Variants in GPATCH8 observed in about 807,000 individuals in gnomAD.
GPATCH8 encodes the protein G patch domain-containing protein 8.
In GPATCH8, 18 loss-of-function variants were observed where a neutral mutation model predicts 118.3. That is an observed-to-expected ratio of 0.15 (90% confidence interval 0.11 to 0.23). GPATCH8 has a LOEUF of 0.23. GPATCH8 is among the 10% of genes least tolerant of loss of function. The probability of loss-of-function intolerance (pLI) is 1.00; values close to 1 mark genes in which losing one functional copy is unlikely to be tolerated. For synonymous variants in GPATCH8, 659 were observed against 684.7 expected, an observed-to-expected ratio of 0.96 and a Z score of 0.59; for missense variants, 1,631 against 1,873.8, an observed-to-expected ratio of 0.87 and a Z score of 2.39.
intron 2 of GPATCH8, chr17:44,464,951 A>ATACGGCGACCACCG: frequency 9.7e-5 from 17 of 175,870 alleles, no homozygotes; most frequent in South Asian, 7.6e-4. Context: ...TTTTTTAAAG[A>ATACGGCGACCACCG]AAATCTACAC....
In GPATCH8 at chr17:44,395,641, C is replaced by T. The variant is rs1307943441; in HGVS notation, c.*1927G>A. ...GTGATGCTTCTGAATCAGATGAGTA[C>T]TGAACAGGTAGGAGGGTGGGAGGGC... On this transcript the variant is annotated 3_prime_UTR_variant, in exon 8 of 8. Coordinates refer to ENST00000591680, the MANE Select transcript of GPATCH8 (RefSeq NM_001002909.4). 3 of 454,154 alleles carry T rather than the reference C, an allele frequency of 6.6e-6. No individual in the cohort carries two copies. The highest frequency in any genetic ancestry group is 3.1e-5 in the South Asian group (2 of 64,478). The allele number at this position is 454,154 out of a possible 1,614,324, so 28.1% of individuals were successfully genotyped here. A position where few individuals can be genotyped will look rare whatever the true frequency, so the allele number is the denominator to read the frequency against.
At chr17:44,407,858 T>C (rs917808661) in intron 6 of GPATCH8, among the ~76,000 whole-genome samples, 1 of 152,122 alleles carries the variant, frequency 6.6e-6, no homozygotes, top group Non-Finnish European at 1.5e-5. Context: ...GGTTTCACCA[T>C]GTTGGCCAGG....
chr17:44,490,452 C>T (rs932772200), intron 1 of GPATCH8, among the ~76,000 whole-genome samples: 9 of 151,926 alleles, frequency 5.9e-5, no homozygotes, highest in Admixed American at 3.9e-4. Flanking sequence ...TTAATGACTG[C>T]TTGTAGGTAT....
At chr17:44,463,870 A>C (rs2051657920) in intron 3 of GPATCH8, among the ~76,000 whole-genome samples, 1 of 152,206 alleles carries the variant, frequency 6.6e-6, no homozygotes, top group African/African-American at 2.4e-5. Context: ...AATGCAATGG[A>C]AACTTTAAGC....
chr17:44,421,324 A>G (rs2049893109), intron 6 of GPATCH8, among the ~76,000 whole-genome samples: 1 of 151,678 alleles, frequency 6.6e-6, no homozygotes. Context: ...CTGGGCAACA[A>G]GAGTGAAACT....
rs1405793549 is a variant in GPATCH8 at position 44,395,528 on chromosome 17, A to AT, written c.*2039dup. On this transcript the variant is annotated 3_prime_UTR_variant, in exon 8 of 8. Coordinates refer to ENST00000591680, the MANE Select transcript of GPATCH8 (RefSeq NM_001002909.4). ...AGCACGAAAATGTTAATACTGTATT[A>AT]TTTATTTACATGGGCTGAAAGCAAA... is the stretch of plus-strand genomic sequence containing the variant. 4.4e-6 allele frequency: 2 copies of AT among 454,350 alleles called. No homozygotes were observed. The highest frequency in any genetic ancestry group is 4.0e-5 in the African/African-American group (2 of 50,004). 28.1% of individuals were successfully genotyped at this position (454,350 alleles called of 1,614,324 possible). A position where few individuals can be genotyped will look rare whatever the true frequency, so the allele number is the denominator to read the frequency against.
intron 6 of GPATCH8, among the ~76,000 whole-genome samples, chr17:44,407,682 A>G (rs1231486761): frequency 1.4e-5 from 2 of 143,914 alleles, no homozygotes; most frequent in Non-Finnish European, 1.5e-5. Flanking sequence ...TTTGAGATGG[A>G]GTCTCACTCT....
chr17:44,414,129 GTATATATATATATGTGTA>G (rs1245932889), intron 6 of GPATCH8, among the ~76,000 whole-genome samples: 104 of 43,018 alleles, frequency 2.4e-3, no homozygotes, highest in Middle Eastern at 0.024. Flanking sequence ...ATATATATGT[GTATATATATATATGTGTA>G]TATATATATG....
chr17:44,426,837 C>T (rs1335280219), intron 5 of GPATCH8, among the ~76,000 whole-genome samples: 1 of 142,904 alleles, frequency 7.0e-6, no homozygotes. Context: ...TCTTCAACAA[C>T]ACACACACAC....
At chr17:44,438,954 AG>A (rs983452467) in intron 3 of GPATCH8, among the ~76,000 whole-genome samples, 2 of 152,176 alleles carry the variant, frequency 1.3e-5, no homozygotes, top group Non-Finnish European at 2.9e-5. Flanking sequence ...TCAATAAGGC[AG>A]GGGGTAGGGT....
At chr17:44,419,074 C>G (rs1448162017) in intron 6 of GPATCH8, among the ~76,000 whole-genome samples, 1 of 152,198 alleles carries the variant, frequency 6.6e-6, no homozygotes, top group Non-Finnish European at 1.5e-5. Flanking sequence ...AAAAACAACT[C>G]AAACCTTGAA....
At chr17:44,481,653 T>C (rs1326677620) in intron 1 of GPATCH8, among the ~76,000 whole-genome samples, 1 of 152,192 alleles carries the variant, frequency 6.6e-6, no homozygotes, top group African/African-American at 2.4e-5. Flanking sequence ...TACATGTAAA[T>C]GGGCGAATTT....
Position 44,398,355 on chromosome 17 carries a change from T to C in GPATCH8, c.3722A>G (p.His1241Arg), listed in dbSNP as rs1211266745. Residue 1241 changes from histidine (H) to arginine (R), a missense_variant, in exon 8 of 8, where the codon CAT (histidine) becomes CGT (arginine). Physicochemically the swap from His to Arg is conservative, Grantham distance 29. Around this residue, in one of 8 missense-constraint regions of GPATCH8, gnomAD observed 922 missense variants for 879.7 expected, o/e 1.05. Transcript: ENST00000591680. ...ATCACTGGGGTCGGGGAGGTAGTTA[T>C]GGGAGATGGTTGGGTCCCCAGGGTA... ...DCYPGDPTIS[H>R]NYLPDPSDGD... 4 of 1,614,046 alleles carry C rather than the reference T, an allele frequency of 2.5e-6. No individual in the cohort carries two copies. Among genetic ancestry groups the C allele is most frequent in the Non-Finnish European group, 3.4e-6 (4 of 1,179,982 alleles).
chr17:44,454,250 C>T lies in GPATCH8; in HGVS notation c.193+10222G>A, dbSNP rs117348834. ...CAAATCCTAGATTCAAACAATCCTC[C>T]CACCTCAGCCTCCCAAGTAGCTAGG... On this transcript the variant is annotated intron_variant, in intron 3 of 7. Coordinates refer to ENST00000591680, the MANE Select transcript of GPATCH8 (RefSeq NM_001002909.4). Among the ~76,000 whole-genome samples the T allele has an allele frequency of 4.7e-3, 710 of 152,178 alleles. 21 individuals carry two copies. Among genetic ancestry groups the T allele is most frequent in the East Asian group, 0.043 (224 of 5,160 alleles).
rs757727627 is a variant in GPATCH8 at position 44,399,040 on chromosome 17, C to G, written c.3037G>C (p.Glu1013Gln). 60 of 1,613,988 alleles carry G rather than the reference C, an allele frequency of 3.7e-5. No homozygotes were observed. The Middle Eastern group carries it at 1.8e-3, about 49-fold the overall frequency. ...SGSRKRSWGH[E>Q]SPEERHSGRR... Reference sequence around the variant, plus strand: ...CCAGAATGCCTCTCCTCAGGGCTCTCGTGACCCCATGATCTCTTCCTGGAG... The same window carrying G: ...CCAGAATGCCTCTCCTCAGGGCTCTGGTGACCCCATGATCTCTTCCTGGAG... Residue 1013 changes from glutamate to glutamine, a missense_variant, in exon 8 of 8, where the codon GAG (glutamate) becomes CAG (glutamine). By Grantham distance (29) the Glu-to-Gln change is conservative. Around this residue, in one of 8 missense-constraint regions of GPATCH8, gnomAD observed 922 missense variants for 879.7 expected, o/e 1.05. Coordinates refer to ENST00000591680, the MANE Select transcript of GPATCH8 (RefSeq NM_001002909.4).
chr17:44,482,567 C>G (rs1292916377), intron 1 of GPATCH8, among the ~76,000 whole-genome samples: 1 of 113,700 alleles, frequency 8.8e-6, no homozygotes, highest in Non-Finnish European at 1.8e-5. Flanking sequence ...GAGCCAGACT[C>G]CATCTCAAAA....
At chr17:44,470,940 TTAAG>T (rs1197005432) in intron 2 of GPATCH8, among the ~76,000 whole-genome samples, 1 of 152,218 alleles carries the variant, frequency 6.6e-6, no homozygotes, top group Admixed American at 6.5e-5. Context: ...TATTTTGTCT[TTAAG>T]TAAGTGGAGG....
At chr17:44,401,711 A>G (rs1010611473) in intron 7 of GPATCH8, among the ~76,000 whole-genome samples, 2 of 152,142 alleles carry the variant, frequency 1.3e-5, no homozygotes, top group East Asian at 1.9e-4. Flanking sequence ...TAAGCTGTCT[A>G]AAGTACAAAA....
intron 3 of GPATCH8, among the ~76,000 whole-genome samples, chr17:44,453,523 G>GTGTGTGTGTGTGTGTGTC (rs2051207786): frequency 6.6e-6 from 1 of 151,008 alleles, no homozygotes; most frequent in Non-Finnish European, 1.5e-5. Context: ...GTGTGTGTGT[G>GTGTGTGTGTGTGTGTGTC]TGTGTGTGCA....
Sources: gnomAD v4.1 joint callset for allele counts (sites outside exome capture counted in the v4.1 genomes callset) on GRCh38, gnomAD v4.1.1 for gene constraint, gnomAD v4.1.1 regional missense constraint, MANE v1.5 for transcripts, NCBI Gene and HGNC (gene_info 2026-07-23, HGNC 2026-07-21) for gene names.